The following XKR3 variants were observed in gnomAD, a reference collection of about 807,000 sequenced individuals.
XKR3 encodes the protein XK related 3, also known as XK-related protein 3.
XKR3 carries 27 observed loss-of-function variants against 40.3 expected under a neutral mutation model. The observed-to-expected ratio is 0.67, with a 90% confidence interval of 0.49 to 0.92. The LOEUF is 0.92. XKR3 is among the 40% of genes least tolerant of loss of function. XKR3 has a pLI of 0.00. For missense variants in XKR3, 472 were observed against 537.6 expected (o/e 0.88, Z 1.21); for synonymous variants, 193 against 195.4 (o/e 0.99, Z 0.10).
intron 3 of XKR3, among the ~76,000 whole-genome samples, chr22:16,793,454 GA>G (rs1447569195): frequency 6.6e-6 from 1 of 152,226 alleles, no homozygotes; most frequent in African/African-American, 2.4e-5. Flanking sequence ...CGGGTTAAGA[GA>G]AAACTGACAT....
rs1307153578 is a variant in XKR3, at chr22:16,812,432, T to A, written c.-10-4349A>T. 2.6e-5 allele frequency among the ~76,000 whole-genome samples: 4 copies of A among 152,070 alleles called. No individual in the cohort carries two copies. The East Asian group carries it at 7.7e-4, about 29-fold the overall frequency. ...TGGCTCACGTCTGTAGTCCCAGCAC[T>A]TTGGGAGGCTGAGGCAGGCAGATCA... On this transcript the variant is annotated intron_variant, in intron 1 of 3. Transcript: ENST00000684488.
chr22:16,819,832 G>A (rs576660310), intron 1 of XKR3, among the ~76,000 whole-genome samples: 5 of 152,136 alleles, frequency 3.3e-5, no homozygotes, highest in South Asian at 2.1e-4. Context: ...CCAATGTGCA[G>A]ATGGAAGAAA....
intron 2 of XKR3, 51 bp from the exon 3 acceptor site, chr22:16,800,075 C>G: frequency 2.5e-6 from 4 of 1,571,748 alleles, no homozygotes; most frequent in Non-Finnish European, 3.4e-6. Context: ...TGACAGACAT[C>G]TAGAAATATT....
In XKR3 at chr22:16,784,111, A is replaced by G; in HGVS notation, c.888T>C (p.Asn296=). The G allele has an allele frequency of 6.2e-7, 1 of 1,614,094 alleles. No individual in the cohort carries two copies. The highest frequency in any genetic ancestry group is 8.5e-7 in the Non-Finnish European group (1 of 1,180,030). ...GTACTGTACCCACCATATTGGAATT[A>G]TTTTCTTTGTTGCCAGGAAGATGAG... The part of the protein sequence containing the change: ...SGAHLPGNKE[N]NSNMVGTVLM... Residue 296 remains asparagine, a synonymous_variant, in exon 4 of 4, where the codon AAT becomes AAC. Coordinates refer to ENST00000684488, the MANE Select transcript of XKR3 (RefSeq NM_001386955.1).
At chr22:16,796,120 T>C (rs1227729222) in intron 3 of XKR3, among the ~76,000 whole-genome samples, 2 of 152,110 alleles carry the variant, frequency 1.3e-5, no homozygotes, top group Non-Finnish European at 2.9e-5. Flanking sequence ...AGATAAATTC[T>C]TGGAAGCACA....
chr22:16,807,821 G>A lies in XKR3; in HGVS notation c.253C>T (p.Leu85=), dbSNP rs2060196092. The change falls in exon 2 of 4, where the codon CTG becomes TTG. Residue 85 remains leucine (L), a synonymous_variant. Coordinates refer to ENST00000684488, the MANE Select transcript of XKR3 (RefSeq NM_001386955.1). ...CTCAAGTCTTTGTTGAAAAACATCAGGATAATTTGATCCAAAATTGCCCCC... is the reference window on the plus strand; with the variant it reads ...CTCAAGTCTTTGTTGAAAAACATCAAGATAATTTGATCCAAAATTGCCCCC... ...IVGAILDQII[L]MFFNKDLRRN... The A allele has an allele frequency of 6.2e-7, 1 of 1,613,752 alleles. No individual in the cohort carries two copies. The highest frequency in any genetic ancestry group is 8.5e-7 in the Non-Finnish European group (1 of 1,179,874).
rs1176652892 is a variant in XKR3 at position 16,786,677 on chromosome 22, C to G, written c.590-2268G>C. Among the ~76,000 whole-genome samples the G allele has an allele frequency of 2.6e-5, 4 of 152,262 alleles. No homozygotes were observed. The East Asian group carries it at 7.7e-4, about 29-fold the overall frequency. ...CCATCAAAGTCTAGGCATTAGGATTCCCCCTACTTCTACCAGGGCTGAAGC... is the reference window on the plus strand; with the variant it reads ...CCATCAAAGTCTAGGCATTAGGATTGCCCCTACTTCTACCAGGGCTGAAGC... On this transcript the variant is annotated intron_variant, in intron 3 of 3. Coordinates refer to ENST00000684488, the MANE Select transcript of XKR3 (RefSeq NM_001386955.1).
At chr22:16,797,961 G>A (rs1365254119) in intron 3 of XKR3, among the ~76,000 whole-genome samples, 1 of 151,612 alleles carries the variant, frequency 6.6e-6, no homozygotes, top group African/African-American at 2.4e-5. Context: ...ATAACCTGAG[G>A]TCAGGAGTTC....
chr22:16,786,031 A>G (rs1215218413), intron 3 of XKR3, among the ~76,000 whole-genome samples: 3 of 152,184 alleles, frequency 2.0e-5, no homozygotes, highest in Admixed American at 1.3e-4. Context: ...GGAATACTCA[A>G]AGTGAAACTC....
intron 3 of XKR3, among the ~76,000 whole-genome samples, chr22:16,792,309 A>G (rs2146146352): frequency 6.6e-6 from 1 of 152,352 alleles, no homozygotes; most frequent in East Asian, 1.9e-4. Context: ...CAGTTAATAG[A>G]AAGCAAATAA....
rs1452344875 is a variant in XKR3, at chr22:16,800,037, A to T, written c.336-13T>A. ...GGTGTGCAAACACCTGTTAACATGA[A>T]GTAACATCCAAGATTAACATTTATT... On this transcript the variant is annotated splice_polypyrimidine_tract_variant and intron_variant, in intron 2 of 3. Transcript: ENST00000684488. 6.2e-7 allele frequency: 1 copy of T among 1,609,632 alleles called. No individual in the cohort carries two copies. The highest frequency in any genetic ancestry group is 1.7e-5 in the Admixed American group (1 of 59,628).
rs138966557 is a variant in XKR3, at chr22:16,805,811, A to C, written c.335+1928T>G. Among the ~76,000 whole-genome samples, 221 of 152,324 alleles carry C rather than the reference A, an allele frequency of 1.5e-3. 5 individuals carry two copies. The East Asian group carries it at 0.024, about 16-fold the overall frequency. On this transcript the variant is annotated intron_variant, in intron 2 of 3. Transcript: ENST00000684488. ...ATTTACCGTCAGCTGATTTTCAACA[A>C]GGCTGCCAGGTCCATTCAAAAATCA...
chr22:16,824,572 G>A (rs1459213514), intron 1 of XKR3, among the ~76,000 whole-genome samples: 3 of 152,110 alleles, frequency 2.0e-5, no homozygotes, highest in African/African-American at 7.2e-5. Flanking sequence ...AGTAGGCGAG[G>A]GGTATAAAGG....
rs1438573701 is a variant in XKR3, at chr22:16,783,739, C to A, written c.1260G>T (p.Pro420=). Reference sequence around the variant, plus strand: ...TTTTCTCGATGTTTACATAATAGTACGGTGCTTCTGGCTGATTTTCAGTAC... The same window carrying A: ...TTTTCTCGATGTTTACATAATAGTAAGGTGCTTCTGGCTGATTTTCAGTAC... The part of the protein sequence containing the change: ...PGRTENQPEA[P]YYYVNIEKTE... Residue 420 remains proline (P), a synonymous_variant, in exon 4 of 4, where the codon CCG becomes CCT. Coordinates refer to ENST00000684488, the MANE Select transcript of XKR3 (RefSeq NM_001386955.1). 2.5e-6 allele frequency: 4 copies of A among 1,614,070 alleles called. No individual in the cohort carries two copies. Among genetic ancestry groups the A allele is most frequent in the Non-Finnish European group, 3.4e-6 (4 of 1,180,028 alleles).
Position 16,820,076 on chromosome 22 carries a change from G to A in XKR3, c.-11+5215C>T, listed in dbSNP as rs114720838. On this transcript the variant is annotated intron_variant, in intron 1 of 3. Coordinates refer to ENST00000684488, the MANE Select transcript of XKR3 (RefSeq NM_001386955.1). ...TGTAGAAATAACAAGCCACTCATGC[G>A]TTGTTTGGTGGCATGTAAAATGGTA... Among the ~76,000 whole-genome samples, 522 of 152,242 alleles carry A rather than the reference G, an allele frequency of 3.4e-3. 1 individual carries two copies. The highest frequency in any genetic ancestry group is 0.011 in the African/African-American group (458 of 41,548).
chr22:16,793,292 G>A (rs1179058754), intron 3 of XKR3, among the ~76,000 whole-genome samples: 4 of 152,242 alleles, frequency 2.6e-5, no homozygotes, highest in South Asian at 2.1e-4. Context: ...GATTACAGGC[G>A]TGAGCCACTG....
intron 1 of XKR3, among the ~76,000 whole-genome samples, chr22:16,819,150 A>G (rs1342640378): frequency 6.6e-6 from 1 of 152,116 alleles, no homozygotes; most frequent in Non-Finnish European, 1.5e-5. Flanking sequence ...TCAAAGTAGT[A>G]ATAAAGAAGG....
intron 3 of XKR3, among the ~76,000 whole-genome samples, chr22:16,799,273 G>A (rs1458834216): frequency 6.6e-6 from 1 of 151,384 alleles, no homozygotes; most frequent in African/African-American, 2.4e-5. Context: ...AATTAGTCGG[G>A]CATGGTGGCG....
chr22:16,814,926 A>T (rs2060227039), intron 1 of XKR3, among the ~76,000 whole-genome samples: 1 of 151,842 alleles, frequency 6.6e-6, no homozygotes, highest in African/African-American at 2.4e-5. Flanking sequence ...TTTCCAATTT[A>T]GATGGCTTTT....
Sources: allele counts gnomAD v4.1 joint callset (sites outside exome capture counted in the v4.1 genomes callset), GRCh38; gene constraint gnomAD v4.1.1; transcripts MANE v1.5; gene names NCBI Gene and HGNC (gene_info 2026-07-23, HGNC 2026-07-21).